Variants in SERPINA11 observed in about 807,000 individuals in gnomAD.
The protein encoded by SERPINA11 is serpin family A member 11.
In SERPINA11, 28 loss-of-function variants were observed where a neutral mutation model predicts 29.4. That is an observed-to-expected ratio of 0.95 (90% CI 0.70 to 1.30). The LOEUF (loss-of-function observed/expected upper bound fraction) is 1.30. Ranked by LOEUF, SERPINA11 falls within the 50% of genes most tolerant of loss-of-function variation. SERPINA11 has a pLI of 0.00. For missense variants in SERPINA11, 530 were observed against 507.3 expected (o/e 1.04, Z -0.43); for synonymous variants, 253 against 206.6 (o/e 1.22, Z -1.92).
Position 94,445,725 on chromosome 14 carries a change from T to A in SERPINA11, c.917+606A>T, listed in dbSNP as rs535313411. Among the ~76,000 whole-genome samples, 205 of 147,672 alleles carry A rather than the reference T, an allele frequency of 1.4e-3. 1 individual carries two copies. The highest frequency in any genetic ancestry group is 4.7e-3 in the African/African-American group (195 of 41,212). ...TTGGGACTATAGGCATGCATCAACA[T>A]GTCCAGCTATATATGTTTTTTTTTC... is the stretch of plus-strand genomic sequence containing the variant. On this transcript the variant is annotated intron_variant, in intron 3 of 4. Transcript: ENST00000334708.
chr14:94,450,259 C>A (rs946566612), intron 1 of SERPINA11, among the ~76,000 whole-genome samples: 21 of 152,070 alleles, frequency 1.4e-4, no homozygotes, highest in African/African-American at 4.8e-4. Flanking sequence ...AGTCTAGACA[C>A]CTAGTATCTC....
chr14:94,446,180 G>T (rs743208), intron 3 of SERPINA11, 151 bp downstream of exon 3: 276,327 of 748,702 alleles, frequency 0.37, 55,455 homozygotes, highest in Non-Finnish European at 0.41. Flanking sequence ...GCCCAAAAAA[G>T]GTGAGAAAAT....
Position 94,448,301 on chromosome 14 carries a change from C to A in SERPINA11, c.474G>T (p.Lys158Asn). Residue 158 changes from lysine to asparagine, a missense_variant, in exon 2 of 5, where the codon AAG (lysine) becomes AAT (asparagine). Physicochemically the swap from Lys to Asn is moderately conservative, Grantham distance 94 (BLOSUM62 0). Coordinates refer to ENST00000334708, the MANE Select transcript of SERPINA11 (RefSeq NM_001080451.2). The stretch of plus-strand genomic sequence containing the variant: ...AAAAAGCAAAAGCTCCATAAAGCTC[C>A]TTGATGCTGTCCAAATAGTGCTGCC... The part of the protein sequence containing the change: ...KPRQHYLDSI[K>N]ELYGAFAFSA... The A allele has an allele frequency of 6.2e-7, 1 of 1,614,230 alleles. No individual in the cohort carries two copies. Among genetic ancestry groups the A allele is most frequent in the East Asian group, 2.2e-5 (1 of 44,880 alleles).
intron 3 of SERPINA11, 24 bp downstream of exon 3, chr14:94,446,307 G>T (rs1429278512): frequency 6.2e-7 from 1 of 1,600,588 alleles, no homozygotes; most frequent in Non-Finnish European, 8.5e-7. Context: ...AGGTCAGCCA[G>T]CATCCTTCTG....
chr14:94,449,469 C>CTTTCT (rs1898537491), intron 1 of SERPINA11, among the ~76,000 whole-genome samples: 3 of 113,330 alleles, frequency 2.6e-5, no homozygotes, highest in African/African-American at 1.0e-4. Context: ...TTCTTTCTTT[C>CTTTCT]TTTCTTTCTT....
chr14:94,449,477 CTTTCTGTCTG>C (rs1566784750), intron 1 of SERPINA11, among the ~76,000 whole-genome samples: 1 of 105,546 alleles, frequency 9.5e-6, no homozygotes, highest in Non-Finnish European at 1.8e-5. Context: ...TTCTTTCTTT[CTTTCTGTCTG>C]TCTGTCTTTC....
rs536296798 is a variant in SERPINA11, at chr14:94,448,414, T to C, written c.361A>G (p.Ser121Gly). The C allele has an allele frequency of 1.1e-5, 17 of 1,614,142 alleles. No individual in the cohort carries two copies. In the South Asian group the frequency reaches 1.9e-4, roughly 18 times the overall value. Residue 121 changes from serine (S) to glycine (G), a missense_variant, in exon 2 of 5, where the codon AGC (serine) becomes GGC (glycine). Ser to Gly is a moderately conservative substitution (Grantham distance 56). Transcript: ENST00000334708. ...GGCAGGGCAAGGGTGTGGAGGAGGC[T>C]CCGGAAGCCCTGGTGGATGTCGGCT... is the stretch of plus-strand genomic sequence containing the variant. ...PEADIHQGFR[S>G]LLHTLALPSP...
Position 94,449,465 on chromosome 14 carries a change from C to CTTTCTTTCTTTCTTTCT in SERPINA11, c.-3-705_-3-689dup, listed in dbSNP as rs1898536431. ...TCTTTCTTTCTTTCTTTCTTTCTTT[C>CTTTCTTTCTTTCTTTCT]TTTCTTTCTTTCTTTCTGTCTGTCT... On this transcript the variant is annotated intron_variant, in intron 1 of 4. Coordinates refer to ENST00000334708, the MANE Select transcript of SERPINA11 (RefSeq NM_001080451.2). 2.7e-4 allele frequency among the ~76,000 whole-genome samples: 30 copies of CTTTCTTTCTTTCTTTCT among 110,660 alleles called. 2 individuals are homozygous for CTTTCTTTCTTTCTTTCT. The highest frequency in any genetic ancestry group is 1.4e-3 in the African/African-American group (25 of 17,648). 72.6% of individuals were successfully genotyped at this position (110,660 alleles called of 152,430 possible).
intron 1 of SERPINA11, among the ~76,000 whole-genome samples, chr14:94,450,151 C>T (rs1898560608): frequency 6.6e-6 from 1 of 152,188 alleles, no homozygotes; most frequent in Non-Finnish European, 1.5e-5. Flanking sequence ...TTGTCACAAG[C>T]AGAGGCTGAA....
chr14:94,446,467 A>C lies in SERPINA11; in HGVS notation c.781T>G (p.Cys261Gly). 6.2e-7 allele frequency: 1 copy of C among 1,614,186 alleles called. No homozygotes were observed. The highest frequency in any genetic ancestry group is 2.2e-5 in the East Asian group (1 of 44,882). Reference protein sequence around the residue: ...HRFLYDQDLACTVLQIEYRGN... With the variant: ...HRFLYDQDLAGTVLQIEYRGN... ...CTGTATTCTATCTGGAGGACGGTGC[A>C]AGCCAAATCCTGGTCATAGAGGAAT... The change falls in exon 3 of 5, where the codon TGC becomes GGC. Residue 261 changes from cysteine (C) to glycine (G), a missense_variant. Physicochemically the swap from Cys to Gly is radical, Grantham distance 159. Transcript: ENST00000334708.
rs1566784752 is a variant in SERPINA11 at position 94,449,477 on chromosome 14, CTTTCTGTCTGTCTG to C, written c.-3-714_-3-701del. On this transcript the variant is annotated intron_variant, in intron 1 of 4. Coordinates refer to ENST00000334708, the MANE Select transcript of SERPINA11 (RefSeq NM_001080451.2). ...TCTTTCTTTCTTTCTTTCTTTCTTT[CTTTCTGTCTGTCTG>C]TCTTTCTTTCTCTTTCTTTTTCTTT... Among the ~76,000 whole-genome samples, 313 of 105,504 alleles carry C rather than the reference CTTTCTGTCTGTCTG, an allele frequency of 3.0e-3. 2 individuals are homozygous for C. Among genetic ancestry groups the C allele is most frequent in the East Asian group, 0.025 (76 of 3,032 alleles). The allele number at this position is 105,504 out of a possible 152,430, so 69.2% of individuals were successfully genotyped here. A position where few individuals can be genotyped will look rare whatever the true frequency, so the allele number is the denominator to read the frequency against.
At chr14:94,443,251 T>A in intron 3 of SERPINA11, 26 bp from the exon 4 acceptor site, 1 of 1,603,720 alleles carries the variant, frequency 6.2e-7, no homozygotes, top group Non-Finnish European at 8.5e-7. Flanking sequence ...GACAGAGAAA[T>A]GGTGCTCTCT....
chr14:94,449,178 C>G (rs1324898767), intron 1 of SERPINA11, among the ~76,000 whole-genome samples: 1 of 151,950 alleles, frequency 6.6e-6, no homozygotes, highest in African/African-American at 2.4e-5. Flanking sequence ...TAGGGAGACC[C>G]CCTCTACAAA....
intron 1 of SERPINA11, among the ~76,000 whole-genome samples, chr14:94,449,295 C>T (rs1237324980): frequency 6.6e-6 from 1 of 152,148 alleles, no homozygotes; most frequent in African/African-American, 2.4e-5. Flanking sequence ...GTGATTGTAC[C>T]ACTGCACTCC....
chr14:94,444,715 C>T (rs1368356618), intron 3 of SERPINA11, among the ~76,000 whole-genome samples: 1 of 152,234 alleles, frequency 6.6e-6, no homozygotes, highest in Admixed American at 6.5e-5. Flanking sequence ...AAAATGCCTT[C>T]TCTATCCCTG....
At position 94,443,186 on chromosome 14, in the gene SERPINA11, T is replaced by C. The variant is rs149052875; in HGVS notation, c.957A>G (p.Gly319=). The C allele has an allele frequency of 6.2e-7, 1 of 1,613,934 alleles. No homozygotes were observed. Among genetic ancestry groups the C allele is most frequent in the East Asian group, 2.2e-5 (1 of 44,856 alleles). The change falls in exon 4 of 5, where the codon GGA becomes GGG. Residue 319 remains glycine, a synonymous_variant. Coordinates refer to ENST00000334708, the MANE Select transcript of SERPINA11 (RefSeq NM_001080451.2). ...DLHLPRFSIS[G]TYNLEDILPQ... ...GAAGTATGTCTTCCAGGTTATATGT[T>C]CCAGAAATTGAAAACCTTGGCAAGT...
intron 1 of SERPINA11, among the ~76,000 whole-genome samples, chr14:94,450,228 T>G (rs929328759): frequency 6.6e-6 from 1 of 152,176 alleles, no homozygotes; most frequent in Non-Finnish European, 1.5e-5. Flanking sequence ...GAATTGTACC[T>G]GCCCGAAATT....
chr14:94,444,283 C>A (rs186117393), intron 3 of SERPINA11, among the ~76,000 whole-genome samples: 1 of 152,226 alleles, frequency 6.6e-6, no homozygotes, highest in East Asian at 1.9e-4. Flanking sequence ...AAGTGCAGTT[C>A]CCCTTGGCAA....
At chr14:94,449,400 CTTTCTAT>C (rs1195574172) in intron 1 of SERPINA11, among the ~76,000 whole-genome samples, 5 of 25,924 alleles carry the variant, frequency 1.9e-4, no homozygotes, top group Non-Finnish European at 3.9e-4. Context: ...CTCTTTCTTT[CTTTCTAT>C]TCTTTCTTTC....
Sources: allele counts gnomAD v4.1 joint callset (sites outside exome capture counted in the v4.1 genomes callset), GRCh38; gene constraint gnomAD v4.1.1; transcripts MANE v1.5; gene names NCBI Gene and HGNC (gene_info 2026-07-23, HGNC 2026-07-21).